Variants in CELF2 observed in about 807,000 individuals in gnomAD.
CELF2 encodes the protein CUG triplet repeat RNA-binding protein 2.
Under a neutral mutation model 62.6 loss-of-function variants are expected in CELF2, and 8 were observed. That is an observed-to-expected ratio of 0.13 (90% CI 0.07 to 0.23). The LOEUF is 0.23. CELF2 is among the 10% of genes least tolerant of loss of function. CELF2 has a pLI of 1.00. For missense variants in CELF2, 333 were observed against 671.0 expected, an observed-to-expected ratio of 0.50 and a Z score of 5.56; for synonymous variants, 258 against 250.0, an observed-to-expected ratio of 1.03 and a Z score of -0.30.
chr10:10,627,087 C>T, the CELF2 span, among the ~76,000 whole-genome samples: 15 of 152,172 alleles, frequency 9.9e-5, no homozygotes, highest in Admixed American at 3.3e-4. Flanking sequence ...TCCTGGGCCA[C>T]GTGATTAAAA....
chr10:10,960,447 A>G (rs1213645023), intron 2 of CELF2: 1 of 152,254 alleles, frequency 6.6e-6, no homozygotes. Flanking sequence ...GTCAGATAGA[A>G]ACATTTATTA....
chr10:10,534,435 G>A, the CELF2 span, among the ~76,000 whole-genome samples: 8 of 152,166 alleles, frequency 5.3e-5, no homozygotes, highest in African/African-American at 1.2e-4. Flanking sequence ...TTGATAGAGC[G>A]AGTTTCCGAG....
At chr10:10,542,759 A>T in the CELF2 span, among the ~76,000 whole-genome samples, 4 of 152,182 alleles carry the variant, frequency 2.6e-5, no homozygotes, top group East Asian at 7.7e-4. Flanking sequence ...TTTTAGTCCA[A>T]TTGTGACAGG....
At chr10:11,150,423 T>G (rs1273897233) in intron 1 of CELF2, among the ~76,000 whole-genome samples, 1 of 152,236 alleles carries the variant, frequency 6.6e-6, no homozygotes, top group Non-Finnish European at 1.5e-5. Flanking sequence ...TAATCATACT[T>G]GAATGACTTC....
chr10:10,505,325 G>A, the CELF2 span, among the ~76,000 whole-genome samples: 1 of 151,914 alleles, frequency 6.6e-6, no homozygotes, highest in Non-Finnish European at 1.5e-5. Flanking sequence ...TTTACTACAG[G>A]GTTGGGATAT....
the CELF2 span, among the ~76,000 whole-genome samples, chr10:10,635,015 A>C: frequency 7.9e-5 from 12 of 152,304 alleles, no homozygotes; most frequent in South Asian, 2.5e-3. Flanking sequence ...GCCACACAGC[A>C]GAAGAGATGG....
intron 1 of CELF2, among the ~76,000 whole-genome samples, chr10:11,025,618 G>T (rs1468126239): frequency 6.6e-6 from 1 of 152,104 alleles, no homozygotes; most frequent in Non-Finnish European, 1.5e-5. Flanking sequence ...CCCAGTCTCA[G>T]GCAGTTCTTT....
Position 11,000,047 on chromosome 10 carries a change from C to A in CELF2, c.89+80048C>A, listed in dbSNP as rs528825098. Among the ~76,000 whole-genome samples, 3 of 152,258 alleles carry A rather than the reference C, an allele frequency of 2.0e-5. No individual in the cohort carries two copies. The East Asian group carries it at 5.8e-4, about 29-fold the overall frequency. ...TCACCTGTGGCCTTCTTAAGATTTC[C>A]CACCTGCCTGAAAGTGGTGCTTGGC... On this transcript the variant is annotated intron_variant, in intron 2 of 13. Coordinates refer to the CELF2 transcript ENST00000636488.
rs555577053 is a variant in CELF2, at chr10:11,217,684, G to A, written c.354+177G>A. ...CCAGCTGGCCAGCCCATAAAGGAGC[G>A]CTGGCATTAACACTGACGGGAAGCA... On this transcript the variant is annotated intron_variant, in intron 3 of 12. Transcript: ENST00000633077. The surrounding 1 kb of genome is among the most constrained non-coding windows in gnomAD (Gnocchi z 5.6). 2.4e-4 allele frequency among the ~76,000 whole-genome samples: 36 copies of A among 152,136 alleles called. No individual in the cohort carries two copies. The highest frequency in any genetic ancestry group is 3.2e-3 in the Middle Eastern group (1 of 316).
chr10:11,059,270 G>C (rs1409145813), intron 1 of CELF2, among the ~76,000 whole-genome samples: 1 of 152,068 alleles, frequency 6.6e-6, no homozygotes, highest in Non-Finnish European at 1.5e-5. Context: ...CTGGCTTTTT[G>C]ACTTGATTTG....
the CELF2 span, among the ~76,000 whole-genome samples, chr10:10,781,022 G>T: frequency 6.6e-6 from 1 of 152,128 alleles, no homozygotes; most frequent in African/African-American, 2.4e-5. Flanking sequence ...TCACAGAAAT[G>T]CTCAGAAAGC....
At position 10,888,306 on chromosome 10, in the gene CELF2, G is replaced by A. The variant is rs59342083; in HGVS notation, c.54-31658G>A. Among the ~76,000 whole-genome samples, 1,359 of 152,282 alleles carry A rather than the reference G, an allele frequency of 8.9e-3. 19 individuals are homozygous for A. The highest frequency in any genetic ancestry group is 0.031 in the African/African-American group (1,290 of 41,536). On this transcript the variant is annotated intron_variant, in intron 1 of 13. Coordinates refer to the CELF2 transcript ENST00000636488. Reference sequence around the variant, plus strand: ...GACACATTCTGAAGGAAATTTAATCGTGCACGCAGGGTGGGAAGAGCATGG... The same window carrying A: ...GACACATTCTGAAGGAAATTTAATCATGCACGCAGGGTGGGAAGAGCATGG...
the CELF2 span, among the ~76,000 whole-genome samples, chr10:10,548,069 G>A: frequency 6.6e-5 from 10 of 152,178 alleles, no homozygotes; most frequent in Non-Finnish European, 1.5e-4. Context: ...AGTCAAAGGG[G>A]AAAGAGCCCT....
chr10:11,326,052 GAC>G (rs1270156532), intron 12 of CELF2, 73 bp downstream of exon 12: 23 of 1,455,918 alleles, frequency 1.6e-5, no homozygotes, highest in Non-Finnish European at 2.0e-5. Flanking sequence ...GAAAATGTGA[GAC>G]AGTTTCAGCC....
intron 1 of CELF2, among the ~76,000 whole-genome samples, chr10:10,898,032 A>T (rs776567354): frequency 6.6e-6 from 1 of 152,192 alleles, no homozygotes; most frequent in Non-Finnish European, 1.5e-5. Context: ...AGAGAATATT[A>T]TCTGGCCCTA....
rs1475676241 is a variant in CELF2, at chr10:11,110,997, G to A, written c.75-54489G>A. 6.6e-6 allele frequency among the ~76,000 whole-genome samples: 1 copy of A among 152,162 alleles called. No homozygotes were observed. The highest frequency in any genetic ancestry group is 1.5e-5 in the Non-Finnish European group (1 of 68,022). On this transcript the variant is annotated intron_variant, in intron 1 of 12. Coordinates refer to ENST00000633077, the MANE Select transcript of CELF2 (RefSeq NM_001326342.2). This position sits in a 1 kb window ranked among gnomAD's most constrained non-coding sequence, Gnocchi z 4.0. ...GGGTTATAAGGTTGGAAGATAATCA[G>A]CTCAGCCTCTCCCACTCTGAGTACC... is the stretch of plus-strand genomic sequence containing the variant.
At chr10:11,175,025 A>T (rs11817237) in intron 2 of CELF2, among the ~76,000 whole-genome samples, 2,726 of 151,954 alleles carry the variant, frequency 0.018, 85 homozygotes, top group African/African-American at 0.063. Flanking sequence ...TTAGAGAGGG[A>T]TATTTATGAA....
In CELF2 at chr10:10,957,265, G is replaced by A. The variant is rs2049005246; in HGVS notation, c.89+37266G>A. Reference sequence around the variant, plus strand: ...TATGTATTTAGATATGACCTCAGGTGCTGGTAAAGTTATTGAAAGAAGTAC... The same window carrying A: ...TATGTATTTAGATATGACCTCAGGTACTGGTAAAGTTATTGAAAGAAGTAC... On this transcript the variant is annotated intron_variant, in intron 2 of 13. Coordinates refer to the CELF2 transcript ENST00000636488. This position sits in a 1 kb window ranked among gnomAD's most constrained non-coding sequence, Gnocchi z 4.1. Among the ~76,000 whole-genome samples, 2 of 152,232 alleles carry A rather than the reference G, an allele frequency of 1.3e-5. No individual in the cohort carries two copies. Among genetic ancestry groups the A allele is most frequent in the Admixed American group, 1.3e-4 (2 of 15,288 alleles).
chr10:11,142,302 A>G (rs747218423), intron 1 of CELF2, among the ~76,000 whole-genome samples: 9 of 152,186 alleles, frequency 5.9e-5, no homozygotes, highest in African/African-American at 9.7e-5. Context: ...TTTGTGCCCT[A>G]TGGTTCTTAT....
Sources: gnomAD v4.1 joint callset for allele counts (sites outside exome capture counted in the v4.1 genomes callset) on GRCh38, gnomAD v4.1.1 for gene constraint, Gnocchi (gnomAD v3.1) non-coding constraint, MANE v1.5 for transcripts, NCBI Gene and HGNC (gene_info 2026-07-23, HGNC 2026-07-21) for gene names.